The following CHRM3 variants were observed in gnomAD, a reference collection of about 807,000 sequenced individuals.
CHRM3 encodes the protein cholinergic receptor muscarinic 3.
Under a neutral mutation model 41.8 loss-of-function variants are expected in CHRM3, and 11 were observed. The observed-to-expected ratio is 0.26, with a 90% CI of 0.17 to 0.44. The LOEUF is 0.44. CHRM3 is among the 20% of genes least tolerant of loss of function. The pLI, the probability that CHRM3 is intolerant of heterozygous loss-of-function variation, is 1.00. For synonymous variants in CHRM3, 297 were observed against 301.4 expected (o/e 0.99, Z 0.15); for missense variants, 571 against 745.4 (o/e 0.77, Z 2.72).
chr1:239,838,057 C>T (rs115128288), intron 6 of CHRM3, among the ~76,000 whole-genome samples: 2,540 of 152,066 alleles, frequency 0.017, 77 homozygotes, highest in African/African-American at 0.057. Context: ...AGAGAAAGAT[C>T]GTGAGGGAAA....
At chr1:239,739,159 A>G (rs1166839400) in intron 5 of CHRM3, among the ~76,000 whole-genome samples, 3 of 152,142 alleles carry the variant, frequency 2.0e-5, no homozygotes, top group East Asian at 3.9e-4. Context: ...TTTCAATATT[A>G]TGTATTTGAC....
chr1:239,395,137 C>G (rs1659368667), intron 1 of CHRM3, among the ~76,000 whole-genome samples: 1 of 152,156 alleles, frequency 6.6e-6, no homozygotes, highest in Non-Finnish European at 1.5e-5. Flanking sequence ...CTTCTCTCCT[C>G]TGGTTCTTTT....
chr1:239,399,737 A>T (rs112928717), intron 1 of CHRM3, among the ~76,000 whole-genome samples: 11 of 52,742 alleles, frequency 2.1e-4, no homozygotes, highest in African/African-American at 6.2e-4. Context: ...TTCTTTCTCC[A>T]TTCTTCTGTT....
intron 3 of CHRM3, chr1:239,546,088 T>C (rs890383237): frequency 1.1e-4 from 17 of 152,196 alleles, no homozygotes; most frequent in African/African-American, 3.6e-4. Flanking sequence ...CTGGTGCCAA[T>C]GTAAGCTTAA....
intron 3 of CHRM3, among the ~76,000 whole-genome samples, chr1:239,555,914 T>C (rs1279426723): frequency 1.3e-5 from 2 of 152,180 alleles, no homozygotes; most frequent in Admixed American, 1.3e-4. Context: ...GTTCAAAAAT[T>C]GGAAAAACTG....
At chr1:239,821,577 C>A (rs1200695142) in intron 5 of CHRM3, among the ~76,000 whole-genome samples, 2 of 152,180 alleles carry the variant, frequency 1.3e-5, no homozygotes, top group Admixed American at 1.3e-4. Flanking sequence ...ACCAGTCTCC[C>A]AGCCACTAGG....
intron 1 of CHRM3, among the ~76,000 whole-genome samples, chr1:239,485,684 A>T (rs1667143296): frequency 6.6e-6 from 1 of 152,038 alleles, no homozygotes; most frequent in African/African-American, 2.4e-5. Flanking sequence ...AGATTTCCTC[A>T]CTTAGATTTT....
chr1:239,906,346 G>A (rs1679964361), intron 6 of CHRM3, among the ~76,000 whole-genome samples: 1 of 151,930 alleles, frequency 6.6e-6, no homozygotes, highest in Non-Finnish European at 1.5e-5. Context: ...GTAGTAGCAG[G>A]GTACACAATA....
intron 5 of CHRM3, among the ~76,000 whole-genome samples, chr1:239,740,450 T>A (rs931263484): frequency 6.6e-6 from 1 of 151,924 alleles, no homozygotes; most frequent in East Asian, 1.9e-4. Context: ...AAAGTTGACA[T>A]TGAGGGTGGT....
In CHRM3 at chr1:239,908,477, T is replaced by C. The variant is rs1393603656; in HGVS notation, c.1026T>C (p.Ala342=). 1 of 1,611,052 alleles carries C rather than the reference T, an allele frequency of 6.2e-7. No homozygotes were observed. The highest frequency in any genetic ancestry group is 2.2e-5 in the East Asian group (1 of 44,770). ...GTGACAGTTGGAACAACAATGATGC[T>C]GCTGCCTCCCTGGAGAACTCCGCCT... ...SSSDSWNNND[A]AASLENSASS... Residue 342 remains alanine (A), a synonymous_variant, in exon 7 of 7, where the codon GCT becomes GCC. Transcript: ENST00000676153. This position sits in a 1 kb window ranked among gnomAD's most constrained non-coding sequence, Gnocchi z 7.2.
At chr1:239,616,619 C>A (rs1256484835) in intron 3 of CHRM3, among the ~76,000 whole-genome samples, 2 of 152,042 alleles carry the variant, frequency 1.3e-5, no homozygotes, top group Non-Finnish European at 2.9e-5. Flanking sequence ...GTTTGCCGTA[C>A]CAGCAGTATT....
intron 6 of CHRM3, among the ~76,000 whole-genome samples, chr1:239,900,943 C>T (rs1370827074): frequency 1.3e-5 from 2 of 152,202 alleles, no homozygotes; most frequent in Non-Finnish European, 2.9e-5. Context: ...CAAATCACCA[C>T]AAACTTAGCA....
chr1:239,697,161 A>G (rs1382639365), intron 5 of CHRM3, among the ~76,000 whole-genome samples: 1 of 152,168 alleles, frequency 6.6e-6, no homozygotes, highest in Non-Finnish European at 1.5e-5. Context: ...CCCCACCCAA[A>G]TCTCATCTTG....
intron 1 of CHRM3, among the ~76,000 whole-genome samples, chr1:239,423,985 G>T (rs1006702736): frequency 6.6e-6 from 1 of 150,702 alleles, no homozygotes; most frequent in South Asian, 2.1e-4. Context: ...AACCCAGGAG[G>T]TGGAGCTTGC....
At chr1:239,777,469 T>A (rs74392179) in intron 5 of CHRM3, among the ~76,000 whole-genome samples, 2 of 152,188 alleles carry the variant, frequency 1.3e-5, no homozygotes, top group African/African-American at 4.8e-5. Flanking sequence ...GCTGTGCTAT[T>A]TGGGGTGGTA....
At chr1:239,474,545 A>G (rs1157799269) in intron 1 of CHRM3, among the ~76,000 whole-genome samples, 1 of 152,122 alleles carries the variant, frequency 6.6e-6, no homozygotes, top group Non-Finnish European at 1.5e-5. Flanking sequence ...CATGTGGAAT[A>G]GTGACTGGTG....
rs140485319 is a variant in CHRM3 at position 239,671,179 on chromosome 1, A to T, written c.-249-7007A>T. Among the ~76,000 whole-genome samples the T allele has an allele frequency of 3.3e-5, 5 of 152,308 alleles. No individual in the cohort carries two copies. In the East Asian group the frequency reaches 9.7e-4, roughly 29 times the overall value. ...TGTTTAGCATCTTTTTCATAGGATT[A>T]CTAGACTCCTCAAATTCTAATCAAC... On this transcript the variant is annotated intron_variant, in intron 4 of 6. Transcript: ENST00000676153.
chr1:239,841,797 A>G (rs1673821979), intron 6 of CHRM3, among the ~76,000 whole-genome samples: 1 of 152,232 alleles, frequency 6.6e-6, no homozygotes, highest in Non-Finnish European at 1.5e-5. Flanking sequence ...TGATAGTTTC[A>G]AAAGTCCCAG....
At chr1:239,897,113 C>T (rs1679069124) in intron 6 of CHRM3, among the ~76,000 whole-genome samples, 1 of 152,160 alleles carries the variant, frequency 6.6e-6, no homozygotes, top group African/African-American at 2.4e-5. Context: ...ATCGGGTGTA[C>T]TTCCTGGCCC....
Sources: gnomAD v4.1 joint callset for allele counts (sites outside exome capture counted in the v4.1 genomes callset) on GRCh38, gnomAD v4.1.1 for gene constraint, Gnocchi (gnomAD v3.1) non-coding constraint, MANE v1.5 for transcripts, NCBI Gene and HGNC (gene_info 2026-07-23, HGNC 2026-07-21) for gene names.